The following TNK2 variants were observed in gnomAD, a reference collection of about 807,000 sequenced individuals.
TNK2 encodes the protein tyrosine kinase non receptor 2, also known as activated CDC42 kinase 1.
In TNK2, 83 loss-of-function variants were observed where a neutral mutation model predicts 101.8. The observed-to-expected ratio is 0.82, with a 90% confidence interval of 0.68 to 0.98. TNK2 has a LOEUF of 0.98. Among genes scored for constraint, TNK2 ranks in the 50% least tolerant of loss-of-function variants. TNK2 has a pLI of 0.00. For synonymous variants in TNK2, 804 were observed against 633.0 expected (o/e 1.27, Z -4.06); for missense variants, 1,665 against 1,483.2 (o/e 1.12, Z -2.01).
At chr3:195,877,161 CAG>C (rs1749862408) in intron 9 of TNK2, among the ~76,000 whole-genome samples, 1 of 152,306 alleles carries the variant, frequency 6.6e-6, no homozygotes, top group Non-Finnish European at 1.5e-5. Context: ...TCCAAACCTG[CAG>C]ACTGTTTGCC....
In TNK2 at chr3:195,888,668, G is replaced by A; in HGVS notation, c.-18-62C>T. ...GGGGGGACAACAGGGGCCTGCCCGA[G>A]TGACCTGGGCTCACCTTCATCCCAC... On this transcript the variant is annotated intron_variant, in intron 1 of 15. Transcript: ENST00000672887. This position sits in a 1 kb window ranked among gnomAD's most constrained non-coding sequence, Gnocchi z 5.3. 4.0e-6 allele frequency: 6 copies of A among 1,487,816 alleles called. No homozygotes were observed. Among genetic ancestry groups the A allele is most frequent in the Non-Finnish European group, 5.4e-6 (6 of 1,105,696 alleles). The allele number at this position is 1,487,816 out of a possible 1,614,324, so 92.2% of individuals were successfully genotyped here. A position where few individuals can be genotyped will look rare whatever the true frequency, so the allele number is the denominator to read the frequency against.
chr3:195,894,106 G>A lies in TNK2; in HGVS notation c.-18-5500C>T, dbSNP rs571137423. Among the ~76,000 whole-genome samples the A allele has an allele frequency of 1.5e-4, 23 of 152,314 alleles. No homozygotes were observed. The South Asian group carries it at 4.6e-3, about 30-fold the overall frequency. On this transcript the variant is annotated intron_variant, in intron 1 of 15. Transcript: ENST00000672887. ...GCTGACTTTTCCCCAAACCTTGGCT[G>A]ACTGTGCCCTTGCATCAGAGAAGCC...
At chr3:195,869,603 G>C (rs945435492) in intron 11 of TNK2, 62 bp from the exon 12 acceptor site, 26 of 1,501,240 alleles carry the variant, frequency 1.7e-5, no homozygotes, top group East Asian at 2.5e-5. Context: ...ACAAAGGAGG[G>C]AGACGGCCGG....
At chr3:195,871,648 C>T (rs553189735) in intron 10 of TNK2, among the ~76,000 whole-genome samples, 32 of 152,284 alleles carry the variant, frequency 2.1e-4, no homozygotes, top group African/African-American at 7.2e-4. Context: ...AGAGGGGTTA[C>T]AGCTGTGGCT....
rs745326890 is a variant in TNK2, at chr3:195,867,887, G to C, written c.2411C>G (p.Ser804Trp). Residue 804 changes from serine (S) to tryptophan (W), a missense_variant, in exon 13 of 16, where the codon TCG becomes TGG. This residue lies in a region of TNK2 where 1,136 missense variants were observed against 894.9 expected (regional missense o/e 1.27). Transcript: ENST00000672887. ...PPREPLSPQG[S>W]RTPSPLVPPG... ...TGGTACCAGGGGGCTGGGTGTCCTC[G>C]AGCCTTGAGGGGACAGGGGCTCCCG... The C allele has an allele frequency of 7.8e-6, 12 of 1,528,748 alleles. No homozygotes were observed. Among genetic ancestry groups the C allele is most frequent in the Non-Finnish European group, 1.0e-5 (12 of 1,145,718 alleles). 94.7% of individuals were successfully genotyped at this position (1,528,748 alleles called of 1,614,324 possible).
chr3:195,884,246 G>C (rs993984305), intron 4 of TNK2: 4 of 152,148 alleles, frequency 2.6e-5, no homozygotes, highest in Non-Finnish European at 5.9e-5. Context: ...CTTCCTCTGA[G>C]TGGTGGGATT....
At chr3:195,883,135 C>A in intron 5 of TNK2, 22 bp downstream of exon 5, 1 of 1,596,410 alleles carries the variant, frequency 6.3e-7, no homozygotes, top group South Asian at 1.1e-5. Flanking sequence ...CCTGCCCGCC[C>A]CCTCCCGCCC....
At position 195,872,323 on chromosome 3, in the gene TNK2, G is replaced by T; in HGVS notation, c.1404C>A (p.Gly468=). 1 of 1,613,234 alleles carries T rather than the reference G, an allele frequency of 6.2e-7. No homozygotes were observed. The highest frequency in any genetic ancestry group is 8.5e-7 in the Non-Finnish European group (1 of 1,179,928). ...LQNSFIHTGH[G]DSDPRHCWGF... is the part of the protein sequence containing the mutation. The stretch of plus-strand genomic sequence containing the variant: ...CCCAGCAGTGGCGGGGGTCACTGTC[G>T]CCATGCCCTGTGTGGATGAAGCTGT... The change falls in exon 10 of 16, where the codon GGC becomes GGA. Residue 468 remains glycine (G), a synonymous_variant. Transcript: ENST00000672887.
intron 1 of TNK2, chr3:195,907,959 C>G (rs1459865340): frequency 6.6e-6 from 1 of 152,366 alleles, no homozygotes; most frequent in African/African-American, 2.4e-5. Flanking sequence ...TGTGACAGGA[C>G]GGCGTGGCAG....
intron 11 of TNK2, 113 bp from the exon 12 acceptor site, chr3:195,869,654 A>G: frequency 9.1e-7 from 1 of 1,097,546 alleles, no homozygotes; most frequent in Non-Finnish European, 1.4e-6. Context: ...GAGAGAAGTG[A>G]ATGGGGGCGA....
Position 195,888,928 on chromosome 3 carries a change from G to A in TNK2, c.-18-322C>T, listed in dbSNP as rs774187521. 3.9e-5 allele frequency among the ~76,000 whole-genome samples: 6 copies of A among 152,062 alleles called. No individual in the cohort carries two copies. The highest frequency in any genetic ancestry group is 7.2e-5 in the African/African-American group (3 of 41,398). Reference sequence around the variant, plus strand: ...TTCCTGCTCTAAGTTTCTAGGGGTCGAAAGTCCTTGAAAATCTTTTAAAAA... The same window carrying A: ...TTCCTGCTCTAAGTTTCTAGGGGTCAAAAGTCCTTGAAAATCTTTTAAAAA... On this transcript the variant is annotated intron_variant, in intron 1 of 15. Coordinates refer to ENST00000672887, the MANE Select transcript of TNK2 (RefSeq NM_001382273.1). This position sits in a 1 kb window ranked among gnomAD's most constrained non-coding sequence, Gnocchi z 5.3.
Position 195,868,109 on chromosome 3 carries a change from A to C in TNK2, c.2189T>G (p.Met730Arg). ...GCCGGCCGGAGCCTGCAGTTGCCTC[A>C]TGCACTCCTGCTGTAGCGCCTGGAA... ...EIFQALQQEC[M>R]RQLQAPAGSP... Residue 730 changes from methionine to arginine, a missense_variant, in exon 13 of 16, where the codon ATG becomes AGG. Met to Arg is a moderately conservative substitution (Grantham distance 91). Coordinates refer to ENST00000672887, the MANE Select transcript of TNK2 (RefSeq NM_001382273.1). The C allele has an allele frequency of 6.2e-7, 1 of 1,611,300 alleles. No individual in the cohort carries two copies. The highest frequency in any genetic ancestry group is 8.5e-7 in the Non-Finnish European group (1 of 1,179,392).
rs538732788 is a variant in TNK2, at chr3:195,865,531, G to C, written c.3162-1344C>G. On this transcript the variant is annotated intron_variant, in intron 15 of 15. Transcript: ENST00000672887. ...CGAGACTGGGACAGACAAGTGACAC[G>C]GAGTGCCTGCATCCCAGGTGCAAAT... Among the ~76,000 whole-genome samples, 28 of 128,780 alleles carry C rather than the reference G, an allele frequency of 2.2e-4. No individual in the cohort carries two copies. In the South Asian group the frequency reaches 6.5e-3, roughly 30 times the overall value. 84.5% of individuals were successfully genotyped at this position (128,780 alleles called of 152,430 possible).
At chr3:195,870,928 T>TGGGGGCCCGCTGTGTGGGTTCTGGTGTGG (rs1224680575) in intron 10 of TNK2, among the ~76,000 whole-genome samples, 2 of 150,796 alleles carry the variant, frequency 1.3e-5, no homozygotes, top group Non-Finnish European at 3.0e-5. Flanking sequence ...TTCTGGTGTG[T>TGGGGGCCCGCTGTGTGGGTTCTGGTGTGG]GGGGGCCCGC....
intron 1 of TNK2, among the ~76,000 whole-genome samples, chr3:195,898,361 C>T (rs1307398397): frequency 6.6e-6 from 1 of 152,174 alleles, no homozygotes; most frequent in Non-Finnish European, 1.5e-5. Flanking sequence ...CTCTAAGCCT[C>T]AATTTCCTCA....
chr3:195,885,549 C>A lies in TNK2; in HGVS notation c.235-516G>T. 1 of 1,291,288 alleles carries A rather than the reference C, an allele frequency of 7.7e-7. No individual in the cohort carries two copies. 80.0% of individuals were successfully genotyped at this position (1,291,288 alleles called of 1,614,324 possible). ...GGAGTCGGCTGCCCTTCATCCTGCC[C>A]AGGGGAGAGGATAATTTTAGTCTGA... On this transcript the variant is annotated intron_variant, in intron 3 of 15. Coordinates refer to ENST00000672887, the MANE Select transcript of TNK2 (RefSeq NM_001382273.1). This position sits in a 1 kb window ranked among gnomAD's most constrained non-coding sequence, Gnocchi z 4.7.
chr3:195,877,417 A>G (rs969710100), intron 9 of TNK2, among the ~76,000 whole-genome samples: 3 of 152,174 alleles, frequency 2.0e-5, no homozygotes, highest in Admixed American at 6.5e-5. Context: ...CGAAGGCCGC[A>G]GACTCCAAAA....
At chr3:195,891,539 C>CTTAAG (rs1758421597) in intron 1 of TNK2, among the ~76,000 whole-genome samples, 1 of 152,208 alleles carries the variant, frequency 6.6e-6, no homozygotes. Flanking sequence ...TTTAAGAGGA[C>CTTAAG]CAGGCGTCGT....
Position 195,886,927 on chromosome 3 carries a change from G to A in TNK2, c.234+50C>T, listed in dbSNP as rs1425923655. The A allele has an allele frequency of 1.8e-5, 29 of 1,594,824 alleles. No individual in the cohort carries two copies. Among genetic ancestry groups the A allele is most frequent in the Non-Finnish European group, 2.3e-5 (27 of 1,162,462 alleles). ...GTTCCCAGGACCAGAAGCGGAGGGGGGCGTTCGAGGCTGCCCCCCTCCCAC... is the reference window on the plus strand; with the variant it reads ...GTTCCCAGGACCAGAAGCGGAGGGGAGCGTTCGAGGCTGCCCCCCTCCCAC... On this transcript the variant is annotated intron_variant, in intron 3 of 15. Transcript: ENST00000672887. The surrounding 1 kb of genome is among the most constrained non-coding windows in gnomAD (Gnocchi z 4.2).
Sources: allele counts gnomAD v4.1 joint callset (sites outside exome capture counted in the v4.1 genomes callset), GRCh38; gene constraint gnomAD v4.1.1; regional missense constraint gnomAD v4.1.1; non-coding constraint Gnocchi (gnomAD v3.1); transcripts MANE v1.5; gene names NCBI Gene and HGNC (gene_info 2026-07-23, HGNC 2026-07-21).